The following NPAS3 variants were observed in gnomAD, a reference collection of about 807,000 sequenced individuals.
The protein encoded by NPAS3 is neuronal PAS domain protein 3.
In NPAS3, 14 loss-of-function variants were observed where a neutral mutation model predicts 73.1. That is an observed-to-expected ratio of 0.19 (90% CI 0.13 to 0.30). NPAS3 has a LOEUF of 0.30. NPAS3 is among the 10% of genes least tolerant of loss of function. The pLI is 1.00. For synonymous variants in NPAS3, 620 were observed against 541.5 expected (o/e 1.14, Z -2.01); for missense variants, 1,096 against 1,250.0 (o/e 0.88, Z 1.86).
intron 2 of NPAS3, among the ~76,000 whole-genome samples, chr14:33,158,163 C>T (rs1267649788): frequency 6.6e-6 from 1 of 152,220 alleles, no homozygotes; most frequent in African/African-American, 2.4e-5. Flanking sequence ...CGTTAGAAAG[C>T]ACCAGCGGAT....
intron 4 of NPAS3, among the ~76,000 whole-genome samples, chr14:33,533,817 CAT>C (rs33909828): frequency 0.39 from 58,441 of 151,466 alleles, 11,846 homozygotes; most frequent in African/African-American, 0.54. Context: ...ACAGAATTTA[CAT>C]ATATGTTACA....
chr14:33,725,243 C>T (rs1379793726), intron 6 of NPAS3, among the ~76,000 whole-genome samples: 1 of 151,744 alleles, frequency 6.6e-6, no homozygotes, highest in Non-Finnish European at 1.5e-5. Flanking sequence ...GGCACATATA[C>T]CCTAGAACTT....
intron 5 of NPAS3, among the ~76,000 whole-genome samples, chr14:33,593,842 C>T (rs954016575): frequency 6.6e-6 from 1 of 152,292 alleles, no homozygotes; most frequent in African/African-American, 2.4e-5. Flanking sequence ...TGTGAGTGAA[C>T]TTGTGTACAG....
At chr14:32,959,645 T>G (rs1321035675) in intron 1 of NPAS3, among the ~76,000 whole-genome samples, 6 of 152,188 alleles carry the variant, frequency 3.9e-5, no homozygotes, top group Non-Finnish European at 8.8e-5. Context: ...TGTAAAGGAG[T>G]GAGCACTTTC....
At chr14:33,128,482 A>G (rs567622682) in intron 2 of NPAS3, among the ~76,000 whole-genome samples, 49 of 152,314 alleles carry the variant, frequency 3.2e-4, no homozygotes, top group Admixed American at 1.5e-3. Flanking sequence ...AAAGATACCA[A>G]TTTTATGACT....
chr14:33,645,139 G>A lies in NPAS3; in HGVS notation c.559-31072G>A, dbSNP rs1283564509. The stretch of plus-strand genomic sequence containing the variant: ...TGAGCGAATAGGACAAAACCACAAT[G>A]ACTAAGAACTGAGAAATGTCGAGAG... On this transcript the variant is annotated intron_variant, in intron 5 of 11. Coordinates refer to ENST00000356141, the Ensembl canonical transcript of NPAS3. Among the ~76,000 whole-genome samples the A allele has an allele frequency of 2.0e-5, 3 of 151,902 alleles. No homozygotes were observed. In the East Asian group the frequency reaches 5.8e-4, roughly 29 times the overall value.
chr14:33,104,466 C>G (rs929484040), intron 2 of NPAS3, among the ~76,000 whole-genome samples: 4 of 152,120 alleles, frequency 2.6e-5, no homozygotes, highest in African/African-American at 9.7e-5. Flanking sequence ...GTGAACTTGT[C>G]AAAAAGAAAC....
intron 4 of NPAS3, among the ~76,000 whole-genome samples, chr14:33,531,292 C>A (rs2054032186): frequency 6.6e-6 from 1 of 152,000 alleles, no homozygotes; most frequent in Non-Finnish European, 1.5e-5. Flanking sequence ...ATGTAACCAC[C>A]CATCACAATC....
chr14:33,449,353 A>C (rs2049678710), intron 4 of NPAS3, among the ~76,000 whole-genome samples: 1 of 152,094 alleles, frequency 6.6e-6, no homozygotes, highest in Non-Finnish European at 1.5e-5. Context: ...TTTATAAGTA[A>C]ATTTTTTTGG....
chr14:33,127,452 C>A (rs1427405611), intron 2 of NPAS3, among the ~76,000 whole-genome samples: 1 of 152,032 alleles, frequency 6.6e-6, no homozygotes, highest in Middle Eastern at 3.2e-3. Context: ...TGTTGCATTT[C>A]CGGCATAAAA....
chr14:33,367,590 T>TAC lies in NPAS3; in HGVS notation c.468+322_468+323insAC, dbSNP rs1555382722. Among the ~76,000 whole-genome samples the TAC allele has an allele frequency of 2.0e-4, 16 of 78,936 alleles. 1 individual carries two copies. In the South Asian group the frequency reaches 9.6e-3, roughly 47 times the overall value. The allele number at this position is 78,936 out of a possible 152,430, so 51.8% of individuals were successfully genotyped here. ...TGCGTGCTGTATTTGTAAGTGGATC[T>TAC]GTGTGTGTCTTTGGAGCTATATATT... On this transcript the variant is annotated intron_variant, in intron 4 of 11. Transcript: ENST00000356141.
chr14:33,600,417 C>G (rs1346598090), intron 5 of NPAS3, among the ~76,000 whole-genome samples: 2 of 152,122 alleles, frequency 1.3e-5, no homozygotes, highest in Non-Finnish European at 2.9e-5. Flanking sequence ...TTTTCTGCCC[C>G]TTAACCAGTT....
intron 3 of NPAS3, among the ~76,000 whole-genome samples, chr14:33,336,182 A>C (rs2044218133): frequency 6.6e-6 from 1 of 152,176 alleles, no homozygotes; most frequent in Non-Finnish European, 1.5e-5. Context: ...GCTGTGTAAC[A>C]AATTACCACA....
intron 1 of NPAS3, among the ~76,000 whole-genome samples, chr14:32,985,682 G>A (rs1180035677): frequency 6.6e-6 from 1 of 152,018 alleles, no homozygotes; most frequent in Non-Finnish European, 1.5e-5. Flanking sequence ...ACCATGGAAG[G>A]GAAAAGAAAG....
intron 2 of NPAS3, among the ~76,000 whole-genome samples, chr14:33,065,334 A>T (rs572783395): frequency 6.6e-5 from 10 of 152,300 alleles, no homozygotes; most frequent in South Asian, 2.1e-4. Flanking sequence ...TTAAACGATT[A>T]GATGGAGTTT....
At chr14:33,655,859 A>G (rs1296756042) in intron 5 of NPAS3, among the ~76,000 whole-genome samples, 1 of 152,172 alleles carries the variant, frequency 6.6e-6, no homozygotes, top group African/African-American at 2.4e-5. Flanking sequence ...AAAGTTGGGT[A>G]AAAGTCATAC....
chr14:33,527,260 A>G (rs554383587), intron 4 of NPAS3, among the ~76,000 whole-genome samples: 1 of 152,272 alleles, frequency 6.6e-6, no homozygotes, highest in South Asian at 2.1e-4. Flanking sequence ...CAGGGCATGG[A>G]AATGAATCTT....
intron 2 of NPAS3, among the ~76,000 whole-genome samples, chr14:33,152,822 TTGG>T (rs1207604683): frequency 6.6e-6 from 1 of 152,122 alleles, no homozygotes; most frequent in African/African-American, 2.4e-5. Flanking sequence ...TGTTGGGTTC[TTGG>T]TGGTCTCTTT....
intron 2 of NPAS3, among the ~76,000 whole-genome samples, chr14:33,137,022 T>C (rs1456872390): frequency 1.3e-5 from 2 of 152,208 alleles, no homozygotes; most frequent in East Asian, 3.8e-4. Flanking sequence ...TTTTCTGTTC[T>C]GTTGAAAAAT....
Sources: gnomAD v4.1 joint callset for allele counts (sites outside exome capture counted in the v4.1 genomes callset) on GRCh38, gnomAD v4.1.1 for gene constraint, MANE v1.5 for transcripts, NCBI Gene and HGNC (gene_info 2026-07-23, HGNC 2026-07-21) for gene names.